The following ANAPC13 variants were observed in gnomAD, a reference collection of about 807,000 sequenced individuals.
ANAPC13 encodes anaphase-promoting complex subunit 13.
Under a neutral mutation model 9.6 loss-of-function variants are expected in ANAPC13, and 9 were observed. The ratio of observed to expected loss-of-function variants is 0.94; its 90% CI spans 0.57 to 1.64. The LOEUF (loss-of-function observed/expected upper bound fraction) is 1.64. Among genes scored for constraint, ANAPC13 ranks in the 40% most tolerant of loss-of-function variants. The pLI is 0.00. For synonymous variants in ANAPC13, 30 were observed against 29.7 expected, an observed-to-expected ratio of 1.01 and a Z score of -0.03; for missense variants, 75 against 85.3, an observed-to-expected ratio of 0.88 and a Z score of 0.48.
intron 1 of ANAPC13, chr3:134,485,275 CACCCAGTACG>C (rs1367992781): frequency 7.9e-5 from 12 of 152,288 alleles, no homozygotes; most frequent in African/African-American, 2.7e-4. Flanking sequence ...AAGTACTCGT[CACCCAGTACG>C]ACCACTGTTT....
At chr3:134,481,657 C>A (rs753200020) in intron 2 of ANAPC13, among the ~76,000 whole-genome samples, 1 of 152,192 alleles carries the variant, frequency 6.6e-6, no homozygotes, top group Non-Finnish European at 1.5e-5. Flanking sequence ...AGTCTTATGG[C>A]ACACAGTAGG....
At chr3:134,479,957 G>A (rs1243100904) in intron 2 of ANAPC13, among the ~76,000 whole-genome samples, 3 of 152,136 alleles carry the variant, frequency 2.0e-5, no homozygotes, top group African/African-American at 7.2e-5. Context: ...TTAGCAAACT[G>A]TTATGCGATA....
In ANAPC13 at chr3:134,477,855, C is replaced by T. The variant is rs1322744780; in HGVS notation, c.*735G>A. The T allele has an allele frequency of 2.0e-5, 3 of 152,168 alleles. No homozygotes were observed. The highest frequency in any genetic ancestry group is 4.4e-5 in the Non-Finnish European group (3 of 68,022). The allele number at this position is 152,168 out of a possible 1,614,324, so 9.4% of individuals were successfully genotyped here. A position where few individuals can be genotyped will look rare whatever the true frequency, so the allele number is the denominator to read the frequency against. ...GCAAATAATTCCAGGAATAAATATA[C>T]ATGAATGTGTTTTTCAAAATACAGG... On this transcript the variant is annotated 3_prime_UTR_variant, in exon 3 of 3. Transcript: ENST00000354910.
chr3:134,484,173 G>A (rs1256001396), intron 1 of ANAPC13, among the ~76,000 whole-genome samples: 3 of 152,222 alleles, frequency 2.0e-5, no homozygotes, highest in Non-Finnish European at 4.4e-5. Context: ...GAGGTCAGGA[G>A]ATCAACACCA....
At chr3:134,481,497 C>G (rs910868660) in intron 2 of ANAPC13, among the ~76,000 whole-genome samples, 4 of 152,198 alleles carry the variant, frequency 2.6e-5, no homozygotes, top group Admixed American at 6.5e-5. Flanking sequence ...CTCTCAGAAG[C>G]CTTTCTGATG....
intron 2 of ANAPC13, among the ~76,000 whole-genome samples, chr3:134,479,189 G>T (rs991211889): frequency 1.3e-5 from 2 of 152,158 alleles, no homozygotes; most frequent in South Asian, 4.1e-4. Context: ...AGTGCTCAAG[G>T]AATATTTGCT....
intron 2 of ANAPC13, 37 bp from the exon 3 acceptor site, chr3:134,478,752 A>G (rs1325200316): frequency 6.2e-7 from 1 of 1,608,588 alleles, no homozygotes; most frequent in Non-Finnish European, 8.5e-7. Context: ...ACAGTAATAT[A>G]TTCTGCATCT....
rs541907964 is a variant in ANAPC13 at position 134,482,667 on chromosome 3, C to T, written c.99+139G>A. On this transcript the variant is annotated intron_variant, in intron 2 of 2. Transcript: ENST00000354910. ...AATAAAACATACAACTGGATGCTCT[C>T]CAGAAGCTTCTAGAGTTAGAGAATT... 31 of 760,118 alleles carry T rather than the reference C, an allele frequency of 4.1e-5. No homozygotes were observed. The African/African-American group carries it at 4.7e-4, about 11-fold the overall frequency. 47.1% of individuals were successfully genotyped at this position (760,118 alleles called of 1,614,324 possible).
At chr3:134,483,366 G>C (rs1421365968) in intron 1 of ANAPC13, 1 of 159,844 alleles carries the variant, frequency 6.3e-6, no homozygotes, top group African/African-American at 2.4e-5. Flanking sequence ...GGAGTCACAC[G>C]AACATACTGT....
rs1934664516 is a variant in ANAPC13, at chr3:134,478,622, G to T, written c.193C>A (p.Leu65Ile). 6.2e-7 allele frequency: 1 copy of T among 1,614,096 alleles called. No homozygotes were observed. Among genetic ancestry groups the T allele is most frequent in the Non-Finnish European group, 8.5e-7 (1 of 1,180,008 alleles). Residue 65 changes from leucine to isoleucine, a missense_variant, in exon 3 of 3, where the codon CTC becomes ATC. Physicochemically the swap from Leu to Ile is conservative, Grantham distance 5. Coordinates refer to ENST00000354910, the MANE Select transcript of ANAPC13 (RefSeq NM_015391.4). The part of the protein sequence containing the change: ...MKWTDLALQY[L>I]HENVPPIGN ...CCAATGGGGGGAACATTCTCATGGA[G>T]GTACTGTAAGGCTAAGTCTGTCCAC...
intron 1 of ANAPC13, among the ~76,000 whole-genome samples, chr3:134,483,439 G>A (rs1934785982): frequency 6.6e-6 from 1 of 152,172 alleles, no homozygotes; most frequent in Non-Finnish European, 1.5e-5. Flanking sequence ...AGCACTTCTA[G>A]GTGAACACCA....
At chr3:134,485,226 G>A (rs1265784160) in intron 1 of ANAPC13, 1 of 152,210 alleles carries the variant, frequency 6.6e-6, no homozygotes, top group Admixed American at 6.5e-5. Context: ...TCAATGCCCA[G>A]GGCACACTGA....
upstream of ANAPC13, chr3:134,486,000 C>CCG: frequency 1.0e-5 from 10 of 965,838 alleles, no homozygotes; most frequent in African/African-American, 1.8e-5. Context: ...CGCCCCCCCC[C>CCG]CCTCCCCCGC....
upstream of ANAPC13, chr3:134,485,991 G>GGGC: frequency 1.1e-5 from 10 of 938,140 alleles, no homozygotes; most frequent in Non-Finnish European, 1.3e-5. Flanking sequence ...CTCCTGCCAC[G>GGGC]CCCCCCCCCC....
rs981393101 is a variant in ANAPC13, at chr3:134,478,151, G to A, written c.*439C>T. ...TATTTGCATATCACAACATCTACAG[G>A]CTAAATACACTCCGAATGCTTCTCA... On this transcript the variant is annotated 3_prime_UTR_variant, in exon 3 of 3. Transcript: ENST00000354910. 1 of 157,862 alleles carries A rather than the reference G, an allele frequency of 6.3e-6. No homozygotes were observed. Among genetic ancestry groups the A allele is most frequent in the African/African-American group, 2.4e-5 (1 of 41,498 alleles). 9.8% of individuals were successfully genotyped at this position (157,862 alleles called of 1,614,324 possible).
At chr3:134,481,630 G>A (rs1045490366) in intron 2 of ANAPC13, among the ~76,000 whole-genome samples, 1 of 152,172 alleles carries the variant, frequency 6.6e-6, no homozygotes, top group Non-Finnish European at 1.5e-5. Flanking sequence ...AGGAGGAACT[G>A]TATCTTATGT....
chr3:134,484,028 T>C (rs750484733), intron 1 of ANAPC13, among the ~76,000 whole-genome samples: 18 of 152,240 alleles, frequency 1.2e-4, no homozygotes, highest in Non-Finnish European at 2.5e-4. Context: ...AGTATGTTCA[T>C]GAGCTCCTGT....
At chr3:134,479,519 A>T (rs985422671) in intron 2 of ANAPC13, among the ~76,000 whole-genome samples, 104 of 149,976 alleles carry the variant, frequency 6.9e-4, no homozygotes, top group Middle Eastern at 3.4e-3. Flanking sequence ...GTATTTTTTT[A>T]TTTTTTTTTA....
At chr3:134,485,991 G>GCGCCCCCCCCCC, upstream of ANAPC13, 1 of 938,168 alleles carries the variant, frequency 1.1e-6, no homozygotes, top group Non-Finnish European at 1.3e-6. Flanking sequence ...CTCCTGCCAC[G>GCGCCCCCCCCCC]CCCCCCCCCC....
Sources: allele counts gnomAD v4.1 joint callset (sites outside exome capture counted in the v4.1 genomes callset), GRCh38; gene constraint gnomAD v4.1.1; transcripts MANE v1.5; gene names NCBI Gene and HGNC (gene_info 2026-07-23, HGNC 2026-07-21).